TENM3: variants seen among roughly 807,000 people sequenced by gnomAD.
TENM3 encodes teneurin-3.
Under a neutral mutation model 255.1 loss-of-function variants are expected in TENM3, and 63 were observed. That is an observed-to-expected ratio of 0.25 (90% CI 0.20 to 0.30). The LOEUF (loss-of-function observed/expected upper bound fraction) is 0.30, where lower values mean the gene tolerates loss of function less well. TENM3 is among the 10% of genes least tolerant of loss of function. The pLI is 1.00. For missense variants in TENM3, 2,929 were observed against 3,461.1 expected (o/e 0.85, Z 3.86); for synonymous variants, 1,306 against 1,322.3 (o/e 0.99, Z 0.27).
chr4:182,289,811 T>G (rs73005413), intron 1 of TENM3, among the ~76,000 whole-genome samples: 3,374 of 152,252 alleles, frequency 0.022, 138 homozygotes, highest in African/African-American at 0.077. Flanking sequence ...TTTTCCAATG[T>G]CTTCAGAATA....
chr4:182,208,524 A>T (rs2597108), intron 1 of TENM3, among the ~76,000 whole-genome samples: 132,123 of 152,212 alleles, frequency 0.87, 57,852 homozygotes, highest in Non-Finnish European at 0.9. Context: ...GTAGTAATGA[A>T]AGGGTATACT....
intron 3 of TENM3, among the ~76,000 whole-genome samples, chr4:182,388,231 T>C (rs1768139314): frequency 1.3e-5 from 2 of 152,136 alleles, no homozygotes; most frequent in South Asian, 4.1e-4. Context: ...AGGAACTACT[T>C]CCCACCTGGT....
chr4:182,298,361 G>A lies in TENM3; in HGVS notation c.-75-25585G>A, dbSNP rs537542225. ...CCTCAGAAGGGCCTGTGATGCCATG[G>A]CAGACACTCCAAGCTCCTCAGAGTA... On this transcript the variant is annotated intron_variant, in intron 1 of 27. Transcript: ENST00000511685. 2.0e-5 allele frequency among the ~76,000 whole-genome samples: 3 copies of A among 152,280 alleles called. No individual in the cohort carries two copies. In the South Asian group the frequency reaches 6.2e-4, roughly 32 times the overall value.
the TENM3 span, among the ~76,000 whole-genome samples, chr4:181,651,920 A>AT: frequency 6.6e-6 from 1 of 152,212 alleles, no homozygotes; most frequent in Non-Finnish European, 1.5e-5. Flanking sequence ...CCCAGGACAC[A>AT]TTAAGGTTTT....
chr4:182,351,574 C>T (rs1472801847), intron 3 of TENM3, among the ~76,000 whole-genome samples: 1 of 152,176 alleles, frequency 6.6e-6, no homozygotes. Flanking sequence ...GAGTCTAGTT[C>T]CTTCTTCCAG....
chr4:182,611,296 C>T (rs1275340217), intron 4 of TENM3, among the ~76,000 whole-genome samples: 1 of 150,664 alleles, frequency 6.6e-6, no homozygotes, highest in Non-Finnish European at 1.5e-5. Flanking sequence ...TGCCTGTTAT[C>T]ATACACAGAT....
chr4:182,530,628 G>A (rs1296265294), intron 3 of TENM3, among the ~76,000 whole-genome samples: 1 of 152,072 alleles, frequency 6.6e-6, no homozygotes, highest in Non-Finnish European at 1.5e-5. Context: ...CACCCTCCTA[G>A]TCATGACAAC....
At chr4:181,647,853 A>G in the TENM3 span, among the ~76,000 whole-genome samples, 1 of 152,168 alleles carries the variant, frequency 6.6e-6, no homozygotes, top group Admixed American at 6.5e-5. Context: ...AGAGAGGGAA[A>G]TAGGCTCTGA....
At chr4:181,614,771 G>A in the TENM3 span, among the ~76,000 whole-genome samples, 1 of 152,242 alleles carries the variant, frequency 6.6e-6, no homozygotes, top group East Asian at 1.9e-4. Flanking sequence ...CTTTCTAGAT[G>A]TCTGCATAGC....
chr4:182,431,538 A>G (rs1472547240), intron 3 of TENM3, among the ~76,000 whole-genome samples: 1 of 152,136 alleles, frequency 6.6e-6, no homozygotes, highest in Non-Finnish European at 1.5e-5. Flanking sequence ...TCAAGACCTA[A>G]CTAAGGAACA....
the TENM3 span, among the ~76,000 whole-genome samples, chr4:181,669,575 C>T: frequency 2.4e-4 from 36 of 152,138 alleles, no homozygotes; most frequent in Non-Finnish European, 4.4e-4. Context: ...CTTCTTCCCT[C>T]CTCGGTAATT....
the TENM3 span, among the ~76,000 whole-genome samples, chr4:181,546,571 G>T: frequency 7.6e-6 from 1 of 131,940 alleles, no homozygotes; most frequent in East Asian, 2.3e-4. Context: ...AAAATTAGCC[G>T]GGCGTGGTGG....
chr4:181,969,173 G>T, the TENM3 span, among the ~76,000 whole-genome samples: 1 of 152,136 alleles, frequency 6.6e-6, no homozygotes, highest in Non-Finnish European at 1.5e-5. Flanking sequence ...TAGGCGTATT[G>T]TTCCACTGCC....
chr4:181,557,973 G>A, the TENM3 span, among the ~76,000 whole-genome samples: 1 of 152,226 alleles, frequency 6.6e-6, no homozygotes, highest in African/African-American at 2.4e-5. Context: ...ATGTTCCTAT[G>A]TTCCTGCAGT....
chr4:181,605,480 GAGAAAGAA>G, the TENM3 span, among the ~76,000 whole-genome samples: 606 of 63,856 alleles, frequency 9.5e-3, 10 homozygotes, highest in Non-Finnish European at 0.01. Flanking sequence ...GAGAGAAACA[GAGAAAGAA>G]AGAAAGAAAG....
At chr4:182,638,255 AT>A (rs1446646576) in intron 5 of TENM3, among the ~76,000 whole-genome samples, 1 of 152,200 alleles carries the variant, frequency 6.6e-6, no homozygotes, top group Non-Finnish European at 1.5e-5. Context: ...TTTCAAAAAA[AT>A]GTTTTTAAAA....
the TENM3 span, among the ~76,000 whole-genome samples, chr4:182,022,856 A>C: frequency 3.9e-5 from 6 of 152,190 alleles, no homozygotes; most frequent in African/African-American, 1.4e-4. Flanking sequence ...GTATAACAGT[A>C]ATTATAATCC....
intron 1 of TENM3, among the ~76,000 whole-genome samples, chr4:182,190,008 T>C (rs1753412143): frequency 6.6e-6 from 1 of 152,216 alleles, no homozygotes; most frequent in Non-Finnish European, 1.5e-5. Context: ...TCTCGTTTCC[T>C]TTAGAAAATC....
the TENM3 span, among the ~76,000 whole-genome samples, chr4:181,751,477 A>G: frequency 6.6e-6 from 1 of 151,326 alleles, no homozygotes; most frequent in East Asian, 1.9e-4. Flanking sequence ...AGACTATTAC[A>G]CTTCTTCTAT....
Sources: allele counts gnomAD v4.1 joint callset (sites outside exome capture counted in the v4.1 genomes callset), GRCh38; gene constraint gnomAD v4.1.1; transcripts MANE v1.5; gene names NCBI Gene and HGNC (gene_info 2026-07-23, HGNC 2026-07-21).